The following FYCO1 variants were observed in gnomAD, a reference collection of about 807,000 sequenced individuals.
The protein encoded by FYCO1 is FYVE and coiled-coil domain autophagy adaptor 1.
In FYCO1, 122 loss-of-function variants were observed where a neutral mutation model predicts 165.1. The ratio of observed to expected loss-of-function variants is 0.74; its 90% CI spans 0.64 to 0.86. The LOEUF (loss-of-function observed/expected upper bound fraction) is 0.86. Among genes scored for constraint, FYCO1 ranks in the 40% least tolerant of loss-of-function variants. FYCO1 has a pLI of 0.00. For missense variants in FYCO1, 1,702 were observed against 1,810.3 expected (o/e 0.94, Z 1.09); for synonymous variants, 648 against 742.5 (o/e 0.87, Z 2.07).
intron 4 of FYCO1, among the ~76,000 whole-genome samples, chr3:45,978,927 G>C (rs1405304005): frequency 2.0e-5 from 3 of 151,476 alleles, no homozygotes; most frequent in Middle Eastern, 3.4e-3. Flanking sequence ...CGCGATCTCG[G>C]CTCACTGCAA....
Position 45,967,423 on chromosome 3 carries a change from G to A in FYCO1, c.1911C>T (p.Gly637=), listed in dbSNP as rs1333192267. The A allele has an allele frequency of 1.2e-6, 2 of 1,613,228 alleles. No homozygotes were observed. Among genetic ancestry groups the A allele is most frequent in the African/African-American group, 2.7e-5 (2 of 75,054 alleles). The change falls in exon 8 of 18, where the codon GGC becomes GGT. Residue 637 remains glycine (G), a synonymous_variant. Coordinates refer to ENST00000296137, the MANE Select transcript of FYCO1 (RefSeq NM_024513.4). ...NVVGRNQLLE[G]KLQALQADYQ... ...AATCGGCCTGCAGGGCTTGCAGCTT[G>A]CCCTCCAGGAGCTGGTTACGCCCGA...
At chr3:45,922,383 C>G (rs1703125855) in intron 17 of FYCO1, among the ~76,000 whole-genome samples, 1 of 152,236 alleles carries the variant, frequency 6.6e-6, no homozygotes, top group African/African-American at 2.4e-5. Flanking sequence ...CATCACATCT[C>G]TCCTTGGTCT....
intron 5 of FYCO1, among the ~76,000 whole-genome samples, chr3:45,974,831 C>T (rs774042704): frequency 3.9e-5 from 6 of 152,202 alleles, no homozygotes; most frequent in Non-Finnish European, 8.8e-5. Flanking sequence ...TGTGTTCACT[C>T]AGTATGCCAG....
intron 17 of FYCO1, 82 bp from the exon 18 acceptor site, chr3:45,921,922 T>C: frequency 1.2e-6 from 1 of 862,022 alleles, no homozygotes; most frequent in Non-Finnish European, 2.0e-6. Flanking sequence ...GAGGCCTCTG[T>C]GGTCACTGCA....
Position 45,964,275 on chromosome 3 carries a change from C to G in FYCO1, c.3269+61G>C. On this transcript the variant is annotated intron_variant, in intron 10 of 17. Transcript: ENST00000296137. This position sits in a 1 kb window ranked among gnomAD's most constrained non-coding sequence, Gnocchi z 4.1. ...TATGAGTGACTGACTTTCTAAATGACGAGACCAAACACTCCTTCCCTGAAG... is the reference window on the plus strand; with the variant it reads ...TATGAGTGACTGACTTTCTAAATGAGGAGACCAAACACTCCTTCCCTGAAG... The G allele has an allele frequency of 7.8e-7, 1 of 1,284,616 alleles. No homozygotes were observed. Among genetic ancestry groups the G allele is most frequent in the Non-Finnish European group, 1.1e-6 (1 of 879,906 alleles). The allele number at this position is 1,284,616 out of a possible 1,614,324, so 79.6% of individuals were successfully genotyped here.
intron 16 of FYCO1, among the ~76,000 whole-genome samples, 157 bp from the exon 17 acceptor site, chr3:45,923,922 C>T (rs564460967): frequency 6.6e-6 from 1 of 152,322 alleles, no homozygotes; most frequent in Non-Finnish European, 1.5e-5. Context: ...AGTAGTGGCA[C>T]AGTGCCATCC....
At chr3:45,949,720 C>T (rs1294491041) in intron 14 of FYCO1, among the ~76,000 whole-genome samples, 1 of 152,086 alleles carries the variant, frequency 6.6e-6, no homozygotes, top group African/African-American at 2.4e-5. Flanking sequence ...AGCGCTGGGA[C>T]CATGGGGCTT....
At position 45,955,248 on chromosome 3, in the gene FYCO1, C is replaced by G. The variant is rs1575356684; in HGVS notation, c.3944+1G>C. ...AGGAAATGGGGGTGACCTCTACTCA[C>G]TGTTCAGCCGCATTTGGGTCGAGAG... On this transcript the variant is annotated splice_donor_variant, in intron 14 of 17. Coordinates refer to ENST00000296137, the MANE Select transcript of FYCO1 (RefSeq NM_024513.4). LOFTEE classifies it high-confidence loss of function. 1.2e-6 allele frequency: 2 copies of G among 1,613,820 alleles called. No individual in the cohort carries two copies. The highest frequency in any genetic ancestry group is 4.5e-5 in the East Asian group (2 of 44,874).
chr3:45,981,315 A>G (rs570958379), intron 3 of FYCO1, among the ~76,000 whole-genome samples: 1 of 152,342 alleles, frequency 6.6e-6, no homozygotes, highest in Non-Finnish European at 1.5e-5. Flanking sequence ...CTTCTGACCT[A>G]CCTTACAATG....
chr3:45,964,635 T>A lies in FYCO1; in HGVS notation c.3151-181A>T. ...ATATTTGTGGGGCCTCAACTGCAAC[T>A]AGTTGTGGTGGTTGGCAAGTGGCAG... On this transcript the variant is annotated intron_variant, in intron 9 of 17. Transcript: ENST00000296137. The surrounding 1 kb of genome is among the most constrained non-coding windows in gnomAD (Gnocchi z 4.1). 1 of 800,664 alleles carries A rather than the reference T, an allele frequency of 1.2e-6. No individual in the cohort carries two copies. The highest frequency in any genetic ancestry group is 1.5e-6 in the Non-Finnish European group (1 of 661,204). The allele number at this position is 800,664 out of a possible 1,614,324, so 49.6% of individuals were successfully genotyped here. A position where few individuals can be genotyped will look rare whatever the true frequency, so the allele number is the denominator to read the frequency against.
At position 45,973,184 on chromosome 3, in the gene FYCO1, G is replaced by A. The variant is rs149818406; in HGVS notation, c.443C>T (p.Ser148Leu). The change falls in exon 6 of 18, where the codon TCG becomes TTG. Residue 148 changes from serine to leucine, a missense_variant. Physicochemically the swap from Ser to Leu is moderately radical, Grantham distance 145. Transcript: ENST00000296137. ...RSPFLQPKLSSDIVGQLYELT... is the reference protein window; with the variant it reads ...RSPFLQPKLSLDIVGQLYELT... Reference sequence around the variant, plus strand: ...CTCATAGAGTTGGCCCACAATGTCCGAGCTCAGCTTTGGCTGCAGAAAGGG... The same window carrying A: ...CTCATAGAGTTGGCCCACAATGTCCAAGCTCAGCTTTGGCTGCAGAAAGGG... 1.2e-4 allele frequency: 188 copies of A among 1,614,198 alleles called. No homozygotes were observed. Among genetic ancestry groups the A allele is most frequent in the Middle Eastern group, 1.6e-4 (1 of 6,062 alleles).
chr3:45,960,200 A>G (rs1705608484), intron 11 of FYCO1, among the ~76,000 whole-genome samples: 1 of 152,194 alleles, frequency 6.6e-6, no homozygotes, highest in South Asian at 2.1e-4. Flanking sequence ...ACTAATGAGC[A>G]TGTTCAGGCT....
intron 15 of FYCO1, among the ~76,000 whole-genome samples, chr3:45,935,926 C>T (rs1369574075): frequency 2.6e-5 from 4 of 152,108 alleles, no homozygotes; most frequent in Non-Finnish European, 4.4e-5. Context: ...GGACACAACA[C>T]TGGAGAACTC....
chr3:45,943,730 T>G (rs369064798), intron 14 of FYCO1, among the ~76,000 whole-genome samples: 1 of 152,174 alleles, frequency 6.6e-6, no homozygotes, highest in Non-Finnish European at 1.5e-5. Flanking sequence ...TGGAGAAACA[T>G]GAAAACTACT....
chr3:45,964,975 C>G lies in FYCO1; in HGVS notation c.3150+58G>C, dbSNP rs1302070694. The G allele has an allele frequency of 2.9e-6, 4 of 1,396,694 alleles. No individual in the cohort carries two copies. The highest frequency in any genetic ancestry group is 4.1e-6 in the Non-Finnish European group (4 of 985,686). The allele number at this position is 1,396,694 out of a possible 1,614,324, so 86.5% of individuals were successfully genotyped here. On this transcript the variant is annotated intron_variant, in intron 9 of 17. Transcript: ENST00000296137. The surrounding 1 kb of genome is among the most constrained non-coding windows in gnomAD (Gnocchi z 4.1). Reference sequence around the variant, plus strand: ...CATGCAGGGAGCCCTCTTAAATGGTCCAGTCAAAACCACACCAGATGCCCT... The same window carrying G: ...CATGCAGGGAGCCCTCTTAAATGGTGCAGTCAAAACCACACCAGATGCCCT...
intron 14 of FYCO1, among the ~76,000 whole-genome samples, chr3:45,942,847 G>T (rs919128374): frequency 1.3e-5 from 2 of 152,210 alleles, no homozygotes; most frequent in Non-Finnish European, 2.9e-5. Context: ...TGCCTGAGTG[G>T]TGTGGGCTTA....
In FYCO1 at chr3:45,984,933, G is replaced by A. The variant is rs764810005; in HGVS notation, c.-23C>T. 1.9e-6 allele frequency: 3 copies of A among 1,613,638 alleles called. No individual in the cohort carries two copies. The highest frequency in any genetic ancestry group is 2.5e-6 in the Non-Finnish European group (3 of 1,179,638). On this transcript the variant is annotated 5_prime_UTR_variant, in exon 2 of 18. Coordinates refer to ENST00000296137, the MANE Select transcript of FYCO1 (RefSeq NM_024513.4). Reference sequence around the variant, plus strand: ...CATGGTGAGTTTGCCTTTCTTGTCTGTATGTCTCCTGCCTGGGTCCAGAGG... The same window carrying A: ...CATGGTGAGTTTGCCTTTCTTGTCTATATGTCTCCTGCCTGGGTCCAGAGG...
intron 1 of FYCO1, among the ~76,000 whole-genome samples, chr3:45,989,362 AAAGGGAGG>A (rs1707462448): frequency 2.6e-5 from 4 of 152,162 alleles, no homozygotes; most frequent in Admixed American, 1.3e-4. Context: ...CCACCTACAG[AAAGGGAGG>A]CACTTGGCTG....
Position 45,923,664 on chromosome 3 carries a change from G to C in FYCO1, c.4353C>G (p.Thr1451=). Residue 1451 remains threonine, a synonymous_variant, in exon 17 of 18, where the codon ACC becomes ACG. Transcript: ENST00000296137. The part of the protein sequence containing the change: ...PGIYMLIFDN[T]FSRFVSKKVF... ...GCCTGAGGTGGCCCTACCTTGAGAA[G>C]GTATTGTCGAAGATGAGCATGTAGA... 6.2e-7 allele frequency: 1 copy of C among 1,610,298 alleles called. No homozygotes were observed. Among genetic ancestry groups the C allele is most frequent in the Non-Finnish European group, 8.5e-7 (1 of 1,176,480 alleles).
Sources: gnomAD v4.1 joint callset for allele counts (sites outside exome capture counted in the v4.1 genomes callset) on GRCh38, gnomAD v4.1.1 for gene constraint, Gnocchi (gnomAD v3.1) non-coding constraint, MANE v1.5 for transcripts, NCBI Gene and HGNC (gene_info 2026-07-23, HGNC 2026-07-21) for gene names.